The following FOXP3 variants were observed in gnomAD, a reference collection of about 807,000 sequenced individuals.
FOXP3 encodes forkhead box protein P3.
In FOXP3, 5 loss-of-function variants were observed where a neutral mutation model predicts 31.2. The ratio of observed to expected loss-of-function variants is 0.16; its 90% CI spans 0.08 to 0.34. FOXP3 has a LOEUF of 0.34. Ranked by LOEUF, FOXP3 falls within the 10% of genes least tolerant of loss-of-function variation. The pLI is 1.00. For synonymous variants in FOXP3, 141 were observed against 148.8 expected (o/e 0.95, Z 0.38); for missense variants, 251 against 363.0 (o/e 0.69, Z 2.51).
At chrX:49,256,220 A>AAGAGAGAG (rs782303757) in intron 6 of FOXP3, among the ~76,000 whole-genome samples, 33 of 67,021 alleles carry the variant, frequency 4.9e-4, no homozygotes, top group East Asian at 2.6e-3. Context: ...GAGAGAGAGA[A>AAGAGAGAG]AGAGAGAGAG....
rs782679751 is a variant in FOXP3, at chrX:49,254,077, G to C, written c.817-10C>G. ...CCTTGTCGGATGATGCCTGGGTGAGGGGGAGAGGCTGGTGACCCAGAGGCT... is the reference window on the plus strand; with the variant it reads ...CCTTGTCGGATGATGCCTGGGTGAGCGGGAGAGGCTGGTGACCCAGAGGCT... On this transcript the variant is annotated splice_polypyrimidine_tract_variant and intron_variant, in intron 8 of 11. Transcript: ENST00000376207. The C allele has an allele frequency of 6.6e-6, 8 of 1,205,396 alleles. No homozygotes were observed. The Admixed American group carries it at 1.3e-4, about 20-fold the overall frequency.
intron 11 of FOXP3, 48 bp downstream of exon 11, chrX:49,251,616 G>C: frequency 8.3e-7 from 1 of 1,208,823 alleles, no homozygotes; most frequent in Non-Finnish European, 1.1e-6. Context: ...TTTGAGCTGC[G>C]ATGGCACTTG....
At chrX:49,258,170 T>G (rs1557116676) in intron 2 of FOXP3, 126 bp downstream of exon 2, 2 of 541,557 alleles carry the variant, frequency 3.7e-6, no homozygotes, top group African/African-American at 4.7e-5. Flanking sequence ...CAGACTTGCC[T>G]GGGACCCAGA....
At position 49,251,489 on chromosome X, in the gene FOXP3, G is replaced by A; in HGVS notation, c.1147-6C>T. The A allele has an allele frequency of 5.0e-6, 6 of 1,211,667 alleles. No homozygotes were observed. Among genetic ancestry groups the A allele is most frequent in the Non-Finnish European group, 6.7e-6 (6 of 895,524 alleles). ...AGGTTGTGGCGGATGGCGTTCTGTG[G>A]AAGGCCGGGGACAGGGAGCAGGTGG... is the stretch of plus-strand genomic sequence containing the variant. On this transcript the variant is annotated splice_region_variant and splice_polypyrimidine_tract_variant and intron_variant, in intron 11 of 11. Transcript: ENST00000376207.
chrX:49,258,334 A>T lies in FOXP3; in HGVS notation c.172T>A (p.Ser58Thr). Residue 58 changes from serine to threonine, a missense_variant, in exon 2 of 12, where the codon TCT becomes ACT. Physicochemically the swap from Ser to Thr is moderately conservative, Grantham distance 58. Transcript: ENST00000376207. ...RDLRGGAHAS[S>T]SSLNPMPPSQ... ...GGTGGCATGGGGTTCAAGGAAGAAGAGGAGGCATGGGCCCCGCCTCGAAGA... is the reference window on the plus strand; with the variant it reads ...GGTGGCATGGGGTTCAAGGAAGAAGTGGAGGCATGGGCCCCGCCTCGAAGA... 1 of 1,166,508 alleles carries T rather than the reference A, an allele frequency of 8.6e-7. No homozygotes were observed. The highest frequency in any genetic ancestry group is 1.9e-5 in the South Asian group (1 of 52,687).
intron 1 of FOXP3, chrX:49,259,344 G>T (rs1436843707): frequency 3.9e-6 from 2 of 508,756 alleles, no homozygotes; most frequent in African/African-American, 4.7e-5. Context: ...TGAATACGGG[G>T]GTCTGGATCT....
At position 49,256,869 on chromosome X, in the gene FOXP3, G is replaced by C; in HGVS notation, c.543-14C>G. The C allele has an allele frequency of 8.3e-7, 1 of 1,207,899 alleles. No individual in the cohort carries two copies. The highest frequency in any genetic ancestry group is 1.1e-6 in the Non-Finnish European group (1 of 891,589). On this transcript the variant is annotated splice_polypyrimidine_tract_variant and intron_variant, in intron 5 of 11. Transcript: ENST00000376207. ...GCCGAAAGGGTGCTGGGGGGACAGA[G>C]GGTGTCAGGGGAGGGGATAGGAGGG...
chrX:49,258,900 TG>T (rs2066093637), intron 1 of FOXP3, among the ~76,000 whole-genome samples: 1 of 112,446 alleles, frequency 8.9e-6, no homozygotes, highest in Admixed American at 9.4e-5. Flanking sequence ...GCACAGGCTG[TG>T]TTTGCTCATC....
chrX:49,250,467 C>G lies in FOXP3; in HGVS notation c.*867G>C, dbSNP rs181219991. 24 of 497,360 alleles carry G rather than the reference C, an allele frequency of 4.8e-5. No homozygotes were observed. The highest frequency in any genetic ancestry group is 4.4e-4 in the African/African-American group (19 of 43,087). 41.0% of individuals were successfully genotyped at this position (497,360 alleles called of 1,213,427 possible). On this transcript the variant is annotated 3_prime_UTR_variant, in exon 12 of 12. Transcript: ENST00000376207. ...GAGCTCGGCTGCAGTTTATTGGGGA[C>G]GGTACTGTGGGTTGGGGGCCTTGGA...
Position 49,258,535 on chromosome X carries a change from G to T in FOXP3, c.-22-8C>A. ...TCCTTGTCCAAGGGCAGGCTGCGTA[G>T]ACAATAGGGGAAAGGAGTCACACGT... On this transcript the variant is annotated splice_polypyrimidine_tract_variant and splice_region_variant and intron_variant, in intron 1 of 11. Coordinates refer to ENST00000376207, the MANE Select transcript of FOXP3 (RefSeq NM_014009.4). The T allele has an allele frequency of 8.9e-7, 1 of 1,117,795 alleles. No homozygotes were observed. Among genetic ancestry groups the T allele is most frequent in the Non-Finnish European group, 1.2e-6 (1 of 843,102 alleles). 92.1% of individuals were successfully genotyped at this position (1,117,795 alleles called of 1,213,427 possible).
rs373767482 is a variant in FOXP3, at chrX:49,257,018, G to A, written c.455-6C>T. 2.7e-5 allele frequency: 32 copies of A among 1,193,529 alleles called. No homozygotes were observed. In the African/African-American group the frequency reaches 5.3e-4, roughly 20 times the overall value. ...CAGGCTGGCCACGTTGATCCCTGTG[G>A]GTGGGGACAGGGCACCTATGGAGGC... is the stretch of plus-strand genomic sequence containing the variant. On this transcript the variant is annotated splice_region_variant and splice_polypyrimidine_tract_variant and intron_variant, in intron 4 of 11. Transcript: ENST00000376207.
rs1557115966 is a variant in FOXP3, at chrX:49,254,075, AG to A, written c.817-9del. ...GCCCTTGTCGGATGATGCCTGGGTGAGGGGGAGAGGCTGGTGACCCAGAGGC... is the reference window on the plus strand; with the variant it reads ...GCCCTTGTCGGATGATGCCTGGGTGAGGGGAGAGGCTGGTGACCCAGAGGC... On this transcript the variant is annotated splice_polypyrimidine_tract_variant and intron_variant, in intron 8 of 11. Transcript: ENST00000376207. The A allele has an allele frequency of 7.5e-6, 9 of 1,206,971 alleles. No individual in the cohort carries two copies. The highest frequency in any genetic ancestry group is 1.0e-5 in the Non-Finnish European group (9 of 893,582).
In FOXP3 at chrX:49,251,502, A is replaced by G; in HGVS notation, c.1147-19T>C. ...TGGCGTTCTGTGGAAGGCCGGGGACAGGGAGCAGGTGGGCGTCAACCTCTG... is the reference window on the plus strand; with the variant it reads ...TGGCGTTCTGTGGAAGGCCGGGGACGGGGAGCAGGTGGGCGTCAACCTCTG... On this transcript the variant is annotated intron_variant, in intron 11 of 11. Transcript: ENST00000376207. 2 of 1,211,672 alleles carry G rather than the reference A, an allele frequency of 1.7e-6. No individual in the cohort carries two copies. Among genetic ancestry groups the G allele is most frequent in the Non-Finnish European group, 2.2e-6 (2 of 895,523 alleles).
intron 6 of FOXP3, 67 bp from the exon 7 acceptor site, chrX:49,255,869 G>A (rs2147947622): frequency 1.0e-6 from 1 of 990,077 alleles, no homozygotes; most frequent in African/African-American, 1.9e-5. Flanking sequence ...GCTCTGAATG[G>A]GGAGGGCCCA....
rs1349599734 is a variant in FOXP3, at chrX:49,257,655, C to T, written c.315+9G>A. On this transcript the variant is annotated intron_variant, in intron 3 of 11. Coordinates refer to ENST00000376207, the MANE Select transcript of FOXP3 (RefSeq NM_014009.4). ...TGCTCCCTCCTCCCTGCCCATTCAC[C>T]GTCCATACCTGGTGCATGAAATGTG... is the stretch of plus-strand genomic sequence containing the variant. 3 of 1,179,563 alleles carry T rather than the reference C, an allele frequency of 2.5e-6. No individual in the cohort carries two copies. The highest frequency in any genetic ancestry group is 6.2e-5 in the East Asian group (2 of 32,138).
chrX:49,262,324 A>G (rs1333031924), intron 1 of FOXP3, among the ~76,000 whole-genome samples: 1 of 112,662 alleles, frequency 8.9e-6, no homozygotes, highest in Non-Finnish European at 1.9e-5. Context: ...TGGTATAAGA[A>G]CAGATACTGG....
intron 10 of FOXP3, among the ~76,000 whole-genome samples, 175 bp downstream of exon 10, chrX:49,252,951 G>C (rs1557115769): frequency 1.8e-5 from 2 of 109,940 alleles, no homozygotes; most frequent in African/African-American, 6.7e-5. Context: ...CAGGTTTGGG[G>C]TGAAGCCAGC....
At chrX:49,255,845 T>TG in intron 6 of FOXP3, 43 bp from the exon 7 acceptor site, 1 of 1,113,868 alleles carries the variant, frequency 9.0e-7, no homozygotes, top group African/African-American at 1.8e-5. Flanking sequence ...ACGACAGGCC[T>TG]GGTCTGGCTC....
intron 1 of FOXP3, among the ~76,000 whole-genome samples, chrX:49,262,192 T>C (rs2066114679): frequency 8.9e-6 from 1 of 112,614 alleles, no homozygotes; most frequent in Admixed American, 9.3e-5. Flanking sequence ...TGCTGGTCTC[T>C]GGCTGGTTCA....
Sources: allele counts gnomAD v4.1 joint callset (sites outside exome capture counted in the v4.1 genomes callset), GRCh38; gene constraint gnomAD v4.1.1; transcripts MANE v1.5; gene names NCBI Gene and HGNC (gene_info 2026-07-23, HGNC 2026-07-21).